COL18A1: variants seen among roughly 807,000 people sequenced by gnomAD.
COL18A1 encodes collagen alpha-1(XVIII) chain.
A neutral mutation model predicts 168.0 loss-of-function variants in COL18A1; 133 were observed. That is an observed-to-expected ratio of 0.79 (90% CI 0.69 to 0.91). COL18A1 has a LOEUF of 0.91. Among genes scored for constraint, COL18A1 ranks in the 40% least tolerant of loss-of-function variants. The pLI, the probability that COL18A1 is intolerant of heterozygous loss-of-function variation, is 0.00. For missense variants in COL18A1, 2,126 were observed against 1,925.4 expected (o/e 1.10, Z -1.95); for synonymous variants, 949 against 809.0 (o/e 1.17, Z -2.94).
chr21:45,432,700 G>A (rs1398192372), intron 2 of COL18A1, among the ~76,000 whole-genome samples: 1 of 152,226 alleles, frequency 6.6e-6, no homozygotes, highest in African/African-American at 2.4e-5. Flanking sequence ...GAGCCATTCC[G>A]TGGGTCCGTG....
chr21:45,487,173 G>T (rs762117051), intron 16 of COL18A1, among the ~76,000 whole-genome samples, 181 bp downstream of exon 16: 1 of 152,210 alleles, frequency 6.6e-6, no homozygotes, highest in African/African-American at 2.4e-5. Context: ...CGTCGCCCGT[G>T]CCCCACGGTG....
chr21:45,483,878 C>T lies in COL18A1; in HGVS notation c.1701+1057C>T, dbSNP rs531152891. On this transcript the variant is annotated intron_variant, in intron 15 of 41. Transcript: ENST00000651438. ...TGCATGTGCACATACACACACACAC[C>T]TCTCCAGCATATGTACACATGCACA... Among the ~76,000 whole-genome samples, 7 of 151,790 alleles carry T rather than the reference C, an allele frequency of 4.6e-5. No individual in the cohort carries two copies. In the South Asian group the frequency reaches 1.5e-3, roughly 32 times the overall value.
chr21:45,441,395 T>C (rs1465235039), intron 2 of COL18A1, among the ~76,000 whole-genome samples: 1 of 152,162 alleles, frequency 6.6e-6, no homozygotes, highest in African/African-American at 2.4e-5. Flanking sequence ...GGTAGAGTTT[T>C]CCTGTGTTAA....
In COL18A1 at chr21:45,512,898, C is replaced by T. The variant is rs2037693840; in HGVS notation, c.*500C>T. On this transcript the variant is annotated 3_prime_UTR_variant, in exon 42 of 42. Transcript: ENST00000651438. Reference sequence around the variant, plus strand: ...GGGCTCCTCCAGGGTGTGTGCTCGCCCTGCGGTAGATGGGAGGGAGGCTCA... The same window carrying T: ...GGGCTCCTCCAGGGTGTGTGCTCGCTCTGCGGTAGATGGGAGGGAGGCTCA... The T allele has an allele frequency of 1.5e-5, 3 of 203,282 alleles. No homozygotes were observed. The highest frequency in any genetic ancestry group is 3.1e-5 in the Non-Finnish European group (3 of 98,104). 12.6% of individuals were successfully genotyped at this position (203,282 alleles called of 1,614,324 possible).
intron 26 of COL18A1, 88 bp from the exon 27 acceptor site, chr21:45,494,457 C>T: frequency 1.9e-6 from 3 of 1,593,264 alleles, no homozygotes; most frequent in Non-Finnish European, 1.7e-6. Context: ...CGCCACCTAA[C>T]CGTGCCTTCG....
Position 45,468,312 on chromosome 21 carries a change from G to A in COL18A1, c.177G>A (p.Thr59=), listed in dbSNP as rs779044009. ...CCCCGCCCCAGCAGGTCACCCAGACGGATGACCCCGACGTCGGGCTGGCCT... is the reference window on the plus strand; with the variant it reads ...CCCCGCCCCAGCAGGTCACCCAGACAGATGACCCCGACGTCGGGCTGGCCT... ...GDPPPQQVTQ[T]DDPDVGLAYV... The change falls in exon 3 of 42, where the codon ACG becomes ACA. Residue 59 remains threonine, a synonymous_variant. Coordinates refer to ENST00000651438, the MANE Select transcript of COL18A1 (RefSeq NM_001379500.1). The A allele has an allele frequency of 1.9e-5, 31 of 1,613,262 alleles. No individual in the cohort carries two copies. Among genetic ancestry groups the A allele is most frequent in the African/African-American group, 8.0e-5 (6 of 74,956 alleles).
In COL18A1 at chr21:45,425,494, A is replaced by T. The variant is rs1354684499; in HGVS notation, c.106+20021A>T. Among the ~76,000 whole-genome samples the T allele has an allele frequency of 6.6e-6, 1 of 152,166 alleles. No individual in the cohort carries two copies. The highest frequency in any genetic ancestry group is 1.5e-5 in the Non-Finnish European group (1 of 68,014). On this transcript the variant is annotated intron_variant, in intron 2 of 41. Coordinates refer to ENST00000651438, the MANE Select transcript of COL18A1 (RefSeq NM_001379500.1). This position sits in a 1 kb window ranked among gnomAD's most constrained non-coding sequence, Gnocchi z 4.1. ...TGGCCCAAGGCCTCTGAAAACCGTC[A>T]CGGCAGGGGTCACAACCCCACTCAC...
At chr21:45,511,533 A>G (rs1199418813) in intron 41 of COL18A1, among the ~76,000 whole-genome samples, 3 of 152,160 alleles carry the variant, frequency 2.0e-5, no homozygotes, top group Non-Finnish European at 4.4e-5. Context: ...CCATGTAAGC[A>G]GCGCAGCGAG....
At chr21:45,500,202 G>GGGTGTGTGTGGAGTA (rs1555872908) in intron 32 of COL18A1, among the ~76,000 whole-genome samples, 5 of 131,504 alleles carry the variant, frequency 3.8e-5, no homozygotes, top group African/African-American at 1.5e-4. Context: ...TGTGGAGTGT[G>GGGTGTGTGTGGAGTA]TGTGGCTGGG....
intron 2 of COL18A1, among the ~76,000 whole-genome samples, chr21:45,411,536 C>T (rs774204578): frequency 2.5e-4 from 38 of 151,904 alleles, no homozygotes; most frequent in African/African-American, 7.5e-4. Flanking sequence ...CTGAAGGGCC[C>T]GGAGTAAGCC....
Position 45,505,916 on chromosome 21 carries a change from G to C in COL18A1, c.3166G>C (p.Glu1056Gln). 4 of 1,613,100 alleles carry C rather than the reference G, an allele frequency of 2.5e-6. No homozygotes were observed. The highest frequency in any genetic ancestry group is 3.4e-6 in the Non-Finnish European group (4 of 1,179,970). ...VPEGWLIFVA[E>Q]QEELYVRVQN... ...CGAGGGCTGGCTCATCTTCGTGGCC[G>C]AGCAGGAGGAGCTCTACGTCCGCGT... The change falls in exon 37 of 42, where the codon GAG becomes CAG. Residue 1056 changes from glutamate to glutamine, a missense_variant. Glu to Gln is a conservative substitution (Grantham distance 29). Transcript: ENST00000651438.
intron 2 of COL18A1, among the ~76,000 whole-genome samples, chr21:45,437,101 C>T (rs545485067): frequency 1.7e-5 from 2 of 119,820 alleles, no homozygotes; most frequent in African/African-American, 8.4e-5. Flanking sequence ...AGGCACTCTC[C>T]TGCACACACA....
chr21:45,424,837 T>G (rs1374244152), intron 2 of COL18A1: 1 of 152,320 alleles, frequency 6.6e-6, no homozygotes, highest in Non-Finnish European at 1.5e-5. Flanking sequence ...TGCCCGTCGG[T>G]TTCCATTGCT....
chr21:45,511,045 CACA>C (rs2037572449), intron 40 of COL18A1, 63 bp from the exon 41 acceptor site: 4 of 483,364 alleles, frequency 8.3e-6, no homozygotes, highest in African/African-American at 3.1e-5. Flanking sequence ...CACACCCCCC[CACA>C]AACACCCACA....
chr21:45,456,571 G>A, intron 2 of COL18A1: 1 of 1,545,202 alleles, frequency 6.5e-7, no homozygotes, highest in Admixed American at 2.0e-5. Flanking sequence ...GCGGCCACCT[G>A]GGCATCTCAC....
Position 45,505,373 on chromosome 21 carries a change from G to A in COL18A1, c.3029G>A (p.Gly1010Asp). ...TCTCCTGCAGCTATCAGCGTTCCCG[G>A]CCCTCCGGGCCCCCCTGGGCCCCCT... The part of the protein sequence containing the change: ...GPHRQTISVP[G>D]PPGPPGPPGP... Residue 1010 changes from glycine (G) to aspartate (D), a missense_variant, in exon 36 of 42, where the codon GGC (glycine) becomes GAC (aspartate). By Grantham distance (94) the Gly-to-Asp change is moderately conservative. Transcript: ENST00000651438. 6.3e-7 allele frequency: 1 copy of A among 1,594,500 alleles called. No homozygotes were observed. The highest frequency in any genetic ancestry group is 8.6e-7 in the Non-Finnish European group (1 of 1,165,222).
chr21:45,405,915 C>A (rs1381571923), intron 2 of COL18A1, among the ~76,000 whole-genome samples: 1 of 151,790 alleles, frequency 6.6e-6, no homozygotes, highest in Non-Finnish European at 1.5e-5. Context: ...CCTGTTGAGG[C>A]TCCTCGCCGC....
chr21:45,480,207 G>A, intron 11 of COL18A1, 51 bp downstream of exon 11: 1 of 1,199,504 alleles, frequency 8.3e-7, no homozygotes, highest in Non-Finnish European at 1.2e-6. Flanking sequence ...CTCCTCAAAA[G>A]CAGGCACTGC....
At position 45,512,703 on chromosome 21, in the gene COL18A1, C is replaced by G. The variant is rs540888320; in HGVS notation, c.*305C>G. ...GCAACCTCTTGGCCTGATCAGACCA[C>G]GGCTCGATTTCTCCAGGATTTCCTG... is the stretch of plus-strand genomic sequence containing the variant. On this transcript the variant is annotated 3_prime_UTR_variant, in exon 42 of 42. Transcript: ENST00000651438. The G allele has an allele frequency of 2.2e-6, 1 of 461,556 alleles. No individual in the cohort carries two copies. Among genetic ancestry groups the G allele is most frequent in the Non-Finnish European group, 4.0e-6 (1 of 251,460 alleles). 28.6% of individuals were successfully genotyped at this position (461,556 alleles called of 1,614,324 possible).
Sources: allele counts gnomAD v4.1 joint callset (sites outside exome capture counted in the v4.1 genomes callset), GRCh38; gene constraint gnomAD v4.1.1; non-coding constraint Gnocchi (gnomAD v3.1); transcripts MANE v1.5; gene names NCBI Gene and HGNC (gene_info 2026-07-23, HGNC 2026-07-21).